Variants in KCNH8 observed in about 807,000 individuals in gnomAD.
The protein encoded by KCNH8 is potassium voltage-gated channel subfamily H member 8.
Under a neutral mutation model 103.6 loss-of-function variants are expected in KCNH8, and 70 were observed. That is an observed-to-expected ratio of 0.68 (90% CI 0.56 to 0.82). The LOEUF is 0.82. KCNH8 is among the 40% of genes least tolerant of loss of function. The pLI, the probability that KCNH8 is intolerant of heterozygous loss-of-function variation, is 0.00. For missense variants in KCNH8, 1,217 were observed against 1,329.9 expected (o/e 0.92, Z 1.32); for synonymous variants, 498 against 489.4 (o/e 1.02, Z -0.23).
Position 19,209,370 on chromosome 3 carries a change from A to G in KCNH8, c.77-44284A>G, listed in dbSNP as rs1222053648. 4.6e-5 allele frequency among the ~76,000 whole-genome samples: 7 copies of G among 152,230 alleles called. No homozygotes were observed. In the South Asian group the frequency reaches 8.3e-4, roughly 18 times the overall value. ...GGAAAATGATTTCTACTTCTTGAGGAAAATGTTATTTTACTTTCTGAGGCC... is the reference window on the plus strand; with the variant it reads ...GGAAAATGATTTCTACTTCTTGAGGGAAATGTTATTTTACTTTCTGAGGCC... On this transcript the variant is annotated intron_variant, in intron 1 of 15. Coordinates refer to ENST00000328405, the MANE Select transcript of KCNH8 (RefSeq NM_144633.3).
intron 3 of KCNH8, among the ~76,000 whole-genome samples, chr3:19,301,551 A>G (rs2065064692): frequency 3.3e-5 from 5 of 152,130 alleles, no homozygotes; most frequent in Admixed American, 3.3e-4. Flanking sequence ...GTCTCTACTC[A>G]TAGAACACTT....
rs1261402177 is a variant in KCNH8 at position 19,510,344 on chromosome 3, C to G, written c.2041-19C>G. The G allele has an allele frequency of 2.0e-6, 3 of 1,514,556 alleles. No homozygotes were observed. In the Admixed American group the frequency reaches 5.0e-5, roughly 25 times the overall value. The allele number at this position is 1,514,556 out of a possible 1,614,324, so 93.8% of individuals were successfully genotyped here. A position where few individuals can be genotyped will look rare whatever the true frequency, so the allele number is the denominator to read the frequency against. ...ACCAGGATATGTAAAATGATTAATA[C>G]TTCTGTTTGTTCTTTCAGGTGATAT... On this transcript the variant is annotated intron_variant, in intron 11 of 15. Coordinates refer to ENST00000328405, the MANE Select transcript of KCNH8 (RefSeq NM_144633.3).
intron 1 of KCNH8, among the ~76,000 whole-genome samples, chr3:19,153,334 A>C (rs1440892082): frequency 6.6e-6 from 1 of 152,208 alleles, no homozygotes; most frequent in East Asian, 1.9e-4. Flanking sequence ...GAGAAAATGG[A>C]CATGCAATAT....
intron 1 of KCNH8, among the ~76,000 whole-genome samples, chr3:19,212,089 C>T (rs1464133565): frequency 6.6e-6 from 1 of 151,984 alleles, no homozygotes; most frequent in Non-Finnish European, 1.5e-5. Context: ...TCATGGTGTT[C>T]CTTCTCTTGG....
chr3:19,482,842 A>G (rs2068115827), intron 11 of KCNH8, among the ~76,000 whole-genome samples: 2 of 152,146 alleles, frequency 1.3e-5, no homozygotes, highest in South Asian at 2.1e-4. Flanking sequence ...ATTTTGATAG[A>G]TAGTATTTCT....
chr3:19,403,676 C>A (rs954797437), intron 7 of KCNH8, among the ~76,000 whole-genome samples: 1 of 151,324 alleles, frequency 6.6e-6, no homozygotes, highest in African/African-American at 2.4e-5. Context: ...GGTTTTGAAC[C>A]ACTCACACTG....
At chr3:19,193,661 A>T in intron 1 of KCNH8, among the ~76,000 whole-genome samples, 1 of 151,748 alleles carries the variant, frequency 6.6e-6, no homozygotes, top group East Asian at 1.9e-4. Context: ...TAGAGGGAAA[A>T]TGCTATAAAA....
At chr3:19,424,500 T>C (rs2066997689) in intron 7 of KCNH8, among the ~76,000 whole-genome samples, 2 of 152,110 alleles carry the variant, frequency 1.3e-5, no homozygotes, top group African/African-American at 4.8e-5. Flanking sequence ...CCTGAAACCA[T>C]AAAAATTCTA....
At chr3:19,360,892 G>A (rs1019677738) in intron 5 of KCNH8, among the ~76,000 whole-genome samples, 6 of 152,064 alleles carry the variant, frequency 3.9e-5, no homozygotes, top group African/African-American at 1.4e-4. Context: ...CAAATTAAAA[G>A]AGTAGAGGTA....
At chr3:19,451,450 T>C in intron 10 of KCNH8, 46 bp downstream of exon 10, 1 of 1,583,030 alleles carries the variant, frequency 6.3e-7, no homozygotes, top group Non-Finnish European at 8.6e-7. Flanking sequence ...CTCTGGAGCA[T>C]AAATTAAGAA....
intron 7 of KCNH8, among the ~76,000 whole-genome samples, chr3:19,413,431 A>G (rs1184049404): frequency 1.3e-5 from 2 of 152,056 alleles, no homozygotes; most frequent in African/African-American, 2.4e-5. Flanking sequence ...ACTGTTGGGT[A>G]CTATGCTCAC....
chr3:19,511,669 A>G (rs895132380), intron 12 of KCNH8, among the ~76,000 whole-genome samples: 3 of 152,140 alleles, frequency 2.0e-5, no homozygotes, highest in African/African-American at 7.2e-5. Flanking sequence ...GAGTAACATC[A>G]TGACTATCCC....
intron 1 of KCNH8, among the ~76,000 whole-genome samples, chr3:19,160,493 C>G (rs2063223405): frequency 6.6e-6 from 1 of 152,094 alleles, no homozygotes; most frequent in Admixed American, 6.6e-5. Flanking sequence ...TACCCTCCTC[C>G]CACTTCCAGT....
intron 8 of KCNH8, among the ~76,000 whole-genome samples, chr3:19,441,373 A>G (rs2067281676): frequency 2.0e-5 from 3 of 152,218 alleles, no homozygotes; most frequent in African/African-American, 7.2e-5. Context: ...AACCCCAGGA[A>G]AACCAGTTCT....
At chr3:19,156,986 A>T (rs868291096) in intron 1 of KCNH8, among the ~76,000 whole-genome samples, 43 of 146,532 alleles carry the variant, frequency 2.9e-4, no homozygotes, top group African/African-American at 1.0e-3. Context: ...TTTTTTTAAA[A>T]AAAAGGTTTT....
chr3:19,529,329 G>A (rs1182004161), intron 15 of KCNH8, among the ~76,000 whole-genome samples: 1 of 152,142 alleles, frequency 6.6e-6, no homozygotes, highest in Non-Finnish European at 1.5e-5. Flanking sequence ...GTTGTATTTT[G>A]AAGATGTATC....
At chr3:19,332,507 A>G (rs1413054764) in intron 3 of KCNH8, among the ~76,000 whole-genome samples, 3 of 152,176 alleles carry the variant, frequency 2.0e-5, no homozygotes, top group African/African-American at 7.2e-5. Flanking sequence ...TCATGAGGAC[A>G]TGCTTTCATT....
intron 2 of KCNH8, among the ~76,000 whole-genome samples, chr3:19,265,074 C>G (rs1284620396): frequency 6.6e-6 from 1 of 152,030 alleles, no homozygotes; most frequent in East Asian, 1.9e-4. Context: ...GATTGACAAA[C>G]TATCAAAGAA....
At chr3:19,367,868 T>G (rs1482824173) in intron 5 of KCNH8, among the ~76,000 whole-genome samples, 1 of 152,048 alleles carries the variant, frequency 6.6e-6, no homozygotes, top group East Asian at 1.9e-4. Context: ...CCCAGACCCT[T>G]GCAAACACAT....
Sources: gnomAD v4.1 joint callset for allele counts (sites outside exome capture counted in the v4.1 genomes callset) on GRCh38, gnomAD v4.1.1 for gene constraint, MANE v1.5 for transcripts, NCBI Gene and HGNC (gene_info 2026-07-23, HGNC 2026-07-21) for gene names.